The following NEBL variants were observed in gnomAD, a reference collection of about 807,000 sequenced individuals.
NEBL encodes LIM and SH3 protein 2.
Under a neutral mutation model 140.2 loss-of-function variants are expected in NEBL, and 122 were observed. That is an observed-to-expected ratio of 0.87 (90% CI 0.75 to 1.01). NEBL has a LOEUF of 1.01. Ranked by LOEUF, NEBL falls within the 50% of genes least tolerant of loss-of-function variation. The pLI is 0.00. For synonymous variants in NEBL, 436 were observed against 398.9 expected, an observed-to-expected ratio of 1.09 and a Z score of -1.11; for missense variants, 1,365 against 1,231.3, an observed-to-expected ratio of 1.11 and a Z score of -1.62.
At chr10:21,056,780 A>G (rs1392599841) in intron 2 of NEBL, among the ~76,000 whole-genome samples, 1 of 152,216 alleles carries the variant, frequency 6.6e-6, no homozygotes, top group East Asian at 1.9e-4. Context: ...AAATCACAAA[A>G]TCGTCCACAT....
rs934422874 is a variant in NEBL, at chr10:20,781,751, T to A, written c.*3996A>T. On this transcript the variant is annotated 3_prime_UTR_variant, in exon 28 of 28. Coordinates refer to ENST00000377122, the MANE Select transcript of NEBL (RefSeq NM_006393.3). ...TGCCTTGACTTTTTTGATCAACAGT[T>A]GACAGTTAGTTGCGAGGAAAGGGTC... 4 of 152,616 alleles carry A rather than the reference T, an allele frequency of 2.6e-5. No homozygotes were observed. The Admixed American group carries it at 2.6e-4, about 10-fold the overall frequency. The allele number at this position is 152,616 out of a possible 1,614,324, so 9.5% of individuals were successfully genotyped here.
intron 2 of NEBL, among the ~76,000 whole-genome samples, chr10:21,131,113 C>G (rs1839084632): frequency 1.3e-5 from 2 of 152,104 alleles, no homozygotes; most frequent in Non-Finnish European, 2.9e-5. Context: ...TACAAACAAC[C>G]CTATGCTCAC....
At chr10:20,917,079 C>G (rs531736950) in intron 4 of NEBL, among the ~76,000 whole-genome samples, 1 of 152,280 alleles carries the variant, frequency 6.6e-6, no homozygotes, top group African/African-American at 2.4e-5. Context: ...TTATAACCCT[C>G]CTGATTATGG....
intron 13 of NEBL, among the ~76,000 whole-genome samples, chr10:20,839,611 A>T (rs761598582): frequency 1.7e-4 from 26 of 152,188 alleles, no homozygotes; most frequent in Admixed American, 7.2e-4. Flanking sequence ...AATATAGCTG[A>T]GATTAAGGTC....
At position 20,780,046 on chromosome 10, in the gene NEBL, G is replaced by A. The variant is rs576939642; in HGVS notation, c.*5701C>T. The A allele has an allele frequency of 6.6e-6, 1 of 152,162 alleles. No individual in the cohort carries two copies. Among genetic ancestry groups the A allele is most frequent in the Non-Finnish European group, 1.5e-5 (1 of 68,034 alleles). 9.4% of individuals were successfully genotyped at this position (152,162 alleles called of 1,614,324 possible). ...TCAATTTACAATTAGGAAGGATTAT[G>A]AGCCAAAGAGAAAGTTTTACAAAAT... On this transcript the variant is annotated 3_prime_UTR_variant, in exon 28 of 28. Transcript: ENST00000377122.
intron 2 of NEBL, among the ~76,000 whole-genome samples, chr10:21,034,719 T>G (rs1833945658): frequency 6.6e-6 from 1 of 152,192 alleles, no homozygotes; most frequent in African/African-American, 2.4e-5. Context: ...GTTCCAAATT[T>G]TATACATTAA....
rs554916166 is a variant in NEBL, at chr10:21,120,492, CA to C, written c.164+51890del. On this transcript the variant is annotated intron_variant, in intron 2 of 6. Coordinates refer to the NEBL transcript ENST00000417816. ...ATTTCATCTTTGTAACTAAGTAGTC[CA>C]AGGGTTGATACTTGGAGAATACTCT... Among the ~76,000 whole-genome samples the C allele has an allele frequency of 1.3e-4, 18 of 141,012 alleles. No individual in the cohort carries two copies. The Admixed American group carries it at 1.3e-3, about 10-fold the overall frequency. The allele number at this position is 141,012 out of a possible 152,430, so 92.5% of individuals were successfully genotyped here.
chr10:21,000,156 C>G (rs1378221966), intron 3 of NEBL, among the ~76,000 whole-genome samples: 1 of 126,410 alleles, frequency 7.9e-6, no homozygotes, highest in Non-Finnish European at 1.6e-5. Flanking sequence ...AAAAGCCAGG[C>G]AGAGGGGGGC....
chr10:20,932,194 T>A (rs1834224265), intron 4 of NEBL, among the ~76,000 whole-genome samples: 1 of 152,164 alleles, frequency 6.6e-6, no homozygotes, highest in Non-Finnish European at 1.5e-5. Context: ...TACTCATATA[T>A]AAGAATAAGT....
At chr10:20,872,508 C>A (rs984275125) in intron 5 of NEBL, among the ~76,000 whole-genome samples, 2 of 152,084 alleles carry the variant, frequency 1.3e-5, no homozygotes, top group African/African-American at 4.8e-5. Flanking sequence ...CACACAGATT[C>A]CTACACGTAA....
At chr10:20,946,664 G>A (rs997754194) in intron 4 of NEBL, among the ~76,000 whole-genome samples, 5 of 152,044 alleles carry the variant, frequency 3.3e-5, no homozygotes, top group Non-Finnish European at 2.9e-5. Flanking sequence ...GTTTCACCAC[G>A]CTGTTGGCCA....
intron 4 of NEBL, among the ~76,000 whole-genome samples, chr10:20,883,479 G>A (rs916000774): frequency 6.6e-6 from 1 of 152,176 alleles, no homozygotes; most frequent in Non-Finnish European, 1.5e-5. Context: ...CTCCATTCAG[G>A]TGGAGAAAGT....
Position 20,975,765 on chromosome 10 carries a change from T to C in NEBL, c.250-13986A>G, listed in dbSNP as rs568957019. Among the ~76,000 whole-genome samples the C allele has an allele frequency of 2.4e-4, 37 of 152,282 alleles. No homozygotes were observed. The South Asian group carries it at 7.3e-3, about 30-fold the overall frequency. On this transcript the variant is annotated intron_variant, in intron 3 of 6. Transcript: ENST00000417816. ...TTCACGAGGTAACTACTGCCCAACC[T>C]AGCACTAGCAAAATGAGGAATTTTC...
chr10:20,906,747 C>T (rs1172030058), intron 4 of NEBL, among the ~76,000 whole-genome samples: 1 of 152,090 alleles, frequency 6.6e-6, no homozygotes, highest in Non-Finnish European at 1.5e-5. Flanking sequence ...TATAATTCAA[C>T]AAATTTTACT....
At chr10:21,054,060 A>C (rs1379653005) in intron 2 of NEBL, among the ~76,000 whole-genome samples, 4 of 151,666 alleles carry the variant, frequency 2.6e-5, no homozygotes, top group African/African-American at 9.7e-5. Context: ...ACAAAAAAGA[A>C]GTATGCCTAA....
intron 3 of NEBL, among the ~76,000 whole-genome samples, chr10:21,189,396 C>T (rs1242175698): frequency 6.6e-6 from 1 of 152,138 alleles, no homozygotes; most frequent in Non-Finnish European, 1.5e-5. Context: ...ATCCAGACAC[C>T]TTGATTTCAG....
chr10:21,208,840 G>T (rs1364292300), intron 3 of NEBL, among the ~76,000 whole-genome samples: 3 of 152,108 alleles, frequency 2.0e-5, no homozygotes, highest in Non-Finnish European at 4.4e-5. Flanking sequence ...GCATGGCAGG[G>T]AAAAAGAAAA....
At chr10:20,882,362 G>A (rs1475557604) in intron 4 of NEBL, among the ~76,000 whole-genome samples, 3 of 149,112 alleles carry the variant, frequency 2.0e-5, no homozygotes, top group Admixed American at 6.7e-5. Flanking sequence ...GAAGGGAAAG[G>A]GAAAGTAAAA....
chr10:20,796,367 G>GAAAAAAAAAAAAAAAAAAAA (rs57844177), intron 26 of NEBL, among the ~76,000 whole-genome samples: 1 of 51,520 alleles, frequency 1.9e-5, no homozygotes, highest in Admixed American at 2.7e-4. Context: ...TCTAAAACAA[G>GAAAAAAAAAAAAAAAAAAAA]AAAAAAAAAA....
Sources: allele counts gnomAD v4.1 joint callset (sites outside exome capture counted in the v4.1 genomes callset), GRCh38; gene constraint gnomAD v4.1.1; transcripts MANE v1.5; gene names NCBI Gene and HGNC (gene_info 2026-07-23, HGNC 2026-07-21).